CYP4F3: variants seen among roughly 807,000 people sequenced by gnomAD.
The protein encoded by CYP4F3 is cytochrome P450 family 4 subfamily F member 3.
Under a neutral mutation model 54.8 loss-of-function variants are expected in CYP4F3, and 50 were observed. The observed-to-expected ratio is 0.91, with a 90% confidence interval of 0.73 to 1.16. The LOEUF (loss-of-function observed/expected upper bound fraction) is 1.16. CYP4F3 is among the 50% of genes most tolerant of loss of function. CYP4F3 has a pLI of 0.00. For synonymous variants in CYP4F3, 244 were observed against 262.6 expected, an observed-to-expected ratio of 0.93 and a Z score of 0.69; for missense variants, 715 against 676.2, an observed-to-expected ratio of 1.06 and a Z score of -0.64.
At position 15,659,661 on chromosome 19, in the gene CYP4F3, A is replaced by T; in HGVS notation, c.*276A>T. ...TGGTCCATCCATACAATGGAGTATTACACAGCCATAAAAAGGAATGAAGCA... is the reference window on the plus strand; with the variant it reads ...TGGTCCATCCATACAATGGAGTATTTCACAGCCATAAAAAGGAATGAAGCA... On this transcript the variant is annotated 3_prime_UTR_variant, in exon 13 of 13. Transcript: ENST00000221307. The T allele has an allele frequency of 2.0e-6, 1 of 489,880 alleles. No individual in the cohort carries two copies. The highest frequency in any genetic ancestry group is 2.9e-5 in the South Asian group (1 of 34,096). The allele number at this position is 489,880 out of a possible 1,614,324, so 30.3% of individuals were successfully genotyped here. A position where few individuals can be genotyped will look rare whatever the true frequency, so the allele number is the denominator to read the frequency against.
chr19:15,658,890 T>C (rs1322510788), intron 12 of CYP4F3, 81 bp downstream of exon 12: 27 of 1,524,864 alleles, frequency 1.8e-5, no homozygotes, highest in Non-Finnish European at 2.1e-5. Context: ...AAGGGGGACA[T>C]TGTAGACGGT....
chr19:15,652,699 G>C (rs1972892838), intron 8 of CYP4F3, 64 bp downstream of exon 8: 13 of 1,612,660 alleles, frequency 8.1e-6, no homozygotes, highest in Non-Finnish European at 1.1e-5. Context: ...AACAGGGTGG[G>C]TGGACCCCTC....
In CYP4F3 at chr19:15,660,396, G is replaced by C. The variant is rs1283867235; in HGVS notation, c.*1011G>C. ...GTGGTTAGACACTTTTCTAGAACAG[G>C]CATGCCCTGCAAACTCCACAGACAC... On this transcript the variant is annotated 3_prime_UTR_variant, in exon 13 of 13. Transcript: ENST00000221307. 1 of 152,082 alleles carries C rather than the reference G, an allele frequency of 6.6e-6. No individual in the cohort carries two copies. Among genetic ancestry groups the C allele is most frequent in the Non-Finnish European group, 1.5e-5 (1 of 68,008 alleles). 9.4% of individuals were successfully genotyped at this position (152,082 alleles called of 1,614,324 possible).
At position 15,659,943 on chromosome 19, in the gene CYP4F3, A is replaced by G. The variant is rs1447320498; in HGVS notation, c.*558A>G. Reference sequence around the variant, plus strand: ...CCTAGATAGTGATGAAGGTAGCACGACACTGTGAGTGCACTAAATGCTATT... The same window carrying G: ...CCTAGATAGTGATGAAGGTAGCACGGCACTGTGAGTGCACTAAATGCTATT... On this transcript the variant is annotated 3_prime_UTR_variant, in exon 13 of 13. Transcript: ENST00000221307. 6.6e-6 allele frequency: 1 copy of G among 152,576 alleles called. No homozygotes were observed. Among genetic ancestry groups the G allele is most frequent in the African/African-American group, 2.4e-5 (1 of 41,462 alleles). The allele number at this position is 152,576 out of a possible 1,614,324, so 9.5% of individuals were successfully genotyped here.
At position 15,652,838 on chromosome 19, in the gene CYP4F3, C is replaced by T. The variant is rs1972898217; in HGVS notation, c.1001C>T (p.Ala334Val). 1 of 1,612,670 alleles carries T rather than the reference C, an allele frequency of 6.2e-7. No individual in the cohort carries two copies. The highest frequency in any genetic ancestry group is 1.3e-5 in the African/African-American group (1 of 74,994). Residue 334 changes from alanine to valine, a missense_variant, in exon 9 of 13, where the codon GCC becomes GTC. Physicochemically the swap from Ala to Val is moderately conservative, Grantham distance 64. Transcript: ENST00000221307. ...TGCCCCCCAGGCCATGACACCACAG[C>T]CAGTGGTCTCTCCTGGGTCCTGTAC... ...TFMFEGHDTT[A>V]SGLSWVLYHL...
Position 15,652,808 on chromosome 19 carries a change from C to G in CYP4F3, c.986-15C>G. 1 of 1,607,784 alleles carries G rather than the reference C, an allele frequency of 6.2e-7. No individual in the cohort carries two copies. The highest frequency in any genetic ancestry group is 8.5e-7 in the Non-Finnish European group (1 of 1,176,806). On this transcript the variant is annotated splice_polypyrimidine_tract_variant and intron_variant, in intron 8 of 12. Transcript: ENST00000221307. ...AAGCAGCCCAGAGACCCAAGCCTGCCTTGCTGCCCCCCAGGCCATGACACC... is the reference window on the plus strand; with the variant it reads ...AAGCAGCCCAGAGACCCAAGCCTGCGTTGCTGCCCCCCAGGCCATGACACC...
At chr19:15,650,637 C>A in intron 7 of CYP4F3, among the ~76,000 whole-genome samples, 1 of 135,664 alleles carries the variant, frequency 7.4e-6, no homozygotes, top group Non-Finnish European at 1.6e-5. Flanking sequence ...TGCCTTTGTG[C>A]TCTCCCTCCC....
rs1972738274 is a variant in CYP4F3 at position 15,649,939 on chromosome 19, T to C, written c.674T>C (p.Ile225Thr). The change falls in exon 7 of 13, where the codon ATC becomes ACC. Residue 225 changes from isoleucine to threonine, a missense_variant. Transcript: ENST00000221307. ...AAGCCCAGTGAATATATTGCCGCCA[T>C]CTTGGAGCTCAGTGCCCTTGTGACA... ...QEKPSEYIAA[I>T]LELSALVTKR... The C allele has an allele frequency of 6.2e-7, 1 of 1,613,824 alleles. No individual in the cohort carries two copies. The highest frequency in any genetic ancestry group is 8.5e-7 in the Non-Finnish European group (1 of 1,179,944).
chr19:15,648,124 A>C (rs1972685817), intron 5 of CYP4F3, among the ~76,000 whole-genome samples: 1 of 151,994 alleles, frequency 6.6e-6, no homozygotes, highest in Non-Finnish European at 1.5e-5. Context: ...GGTTTTGTGA[A>C]GTGTTTAGAA....
intron 3 of CYP4F3, among the ~76,000 whole-genome samples, chr19:15,646,239 G>A (rs1445125364): frequency 6.6e-6 from 1 of 152,190 alleles, no homozygotes; most frequent in Non-Finnish European, 1.5e-5. Context: ...TGTGGCCAAG[G>A]ACATTTGGGG....
chr19:15,654,998 G>A (rs1915379), intron 9 of CYP4F3, among the ~76,000 whole-genome samples: 31,630 of 152,064 alleles, frequency 0.21, 3,593 homozygotes, highest in Middle Eastern at 0.27. Flanking sequence ...AACAGTGTGT[G>A]TGAGTTCCCC....
rs200588031 is a variant in CYP4F3 at position 15,660,719 on chromosome 19, A to ATTTTT, written c.*1345_*1349dup. ...GACAAGACTTTGACAGGGGTGCCTA[A>ATTTTT]TTTTTTTTTTTTTTTGAGATGGAGT... is the stretch of plus-strand genomic sequence containing the variant. On this transcript the variant is annotated 3_prime_UTR_variant, in exon 13 of 13. Transcript: ENST00000221307. 4 of 143,404 alleles carry ATTTTT rather than the reference A, an allele frequency of 2.8e-5. No homozygotes were observed. Among genetic ancestry groups the ATTTTT allele is most frequent in the Admixed American group, 1.4e-4 (2 of 14,288 alleles). 8.9% of individuals were successfully genotyped at this position (143,404 alleles called of 1,614,324 possible). A position where few individuals can be genotyped will look rare whatever the true frequency, so the allele number is the denominator to read the frequency against.
In CYP4F3 at chr19:15,650,678, T is replaced by TTCTC. The variant is rs1270947323; in HGVS notation, c.918+498_918+499insCTCT. 5.2e-4 allele frequency among the ~76,000 whole-genome samples: 31 copies of TTCTC among 59,124 alleles called. 1 individual carries two copies. Among genetic ancestry groups the TTCTC allele is most frequent in the Admixed American group, 3.9e-3 (21 of 5,318 alleles). The allele number at this position is 59,124 out of a possible 152,430, so 38.8% of individuals were successfully genotyped here. A position where few individuals can be genotyped will look rare whatever the true frequency, so the allele number is the denominator to read the frequency against. On this transcript the variant is annotated intron_variant, in intron 7 of 12. Coordinates refer to ENST00000221307, the MANE Select transcript of CYP4F3 (RefSeq NM_000896.3). The stretch of plus-strand genomic sequence containing the variant: ...GCCTTCTTTTTCTTTCTTTCTTTCT[T>TTCTC]TCTTTCTTTCTTTCTTTCTTTCTTT...
intron 5 of CYP4F3, among the ~76,000 whole-genome samples, chr19:15,647,771 G>T (rs1048274660): frequency 1.3e-5 from 2 of 152,186 alleles, no homozygotes; most frequent in African/African-American, 4.8e-5. Context: ...CAGCCTTGCT[G>T]GTGTTGGCTG....
chr19:15,658,648 C>A (rs1973099925), intron 11 of CYP4F3, 79 bp from the exon 12 acceptor site: 5 of 1,608,256 alleles, frequency 3.1e-6, no homozygotes, highest in South Asian at 1.1e-5. Context: ...CACCTCCCTC[C>A]AAGACACACA....
Position 15,661,902 on chromosome 19 carries a change from T to C in CYP4F3, c.*2517T>C, listed in dbSNP as rs1180118618. ...TTCCATAATCTCCATTTAGTTAAATTTTGTATGGGGTGTGAACTGTGGTTT... is the reference window on the plus strand; with the variant it reads ...TTCCATAATCTCCATTTAGTTAAATCTTGTATGGGGTGTGAACTGTGGTTT... On this transcript the variant is annotated 3_prime_UTR_variant, in exon 13 of 13. Coordinates refer to ENST00000221307, the MANE Select transcript of CYP4F3 (RefSeq NM_000896.3). 1 of 152,152 alleles carries C rather than the reference T, an allele frequency of 6.6e-6. No individual in the cohort carries two copies. 9.4% of individuals were successfully genotyped at this position (152,152 alleles called of 1,614,324 possible). A position where few individuals can be genotyped will look rare whatever the true frequency, so the allele number is the denominator to read the frequency against.
chr19:15,644,052 G>A lies in CYP4F3; in HGVS notation c.199-1667G>A, dbSNP rs551652856. On this transcript the variant is annotated intron_variant, in intron 2 of 12. Coordinates refer to ENST00000221307, the MANE Select transcript of CYP4F3 (RefSeq NM_000896.3). ...ATCCGGTCTGTCATCAACGCCTCAGGTACCACCTGGAATACTTGGTGGTGG... is the reference window on the plus strand; with the variant it reads ...ATCCGGTCTGTCATCAACGCCTCAGATACCACCTGGAATACTTGGTGGTGG... 156 of 1,576,912 alleles carry A rather than the reference G, an allele frequency of 9.9e-5. No individual in the cohort carries two copies. The African/African-American group carries it at 1.9e-3, about 20-fold the overall frequency.
At chr19:15,649,061 A>G in intron 5 of CYP4F3, 99 bp from the exon 6 acceptor site, 1 of 1,540,176 alleles carries the variant, frequency 6.5e-7, no homozygotes, top group Non-Finnish European at 8.8e-7. Flanking sequence ...GGAGAAGATG[A>G]AGAGGCTTAT....
Position 15,644,047 on chromosome 19 carries a change from C to T in CYP4F3, c.199-1672C>T, listed in dbSNP as rs749209372. 5.7e-6 allele frequency: 9 copies of T among 1,582,534 alleles called. No homozygotes were observed. In the South Asian group the frequency reaches 5.8e-5, roughly 10 times the overall value. On this transcript the variant is annotated intron_variant, in intron 2 of 12. Coordinates refer to ENST00000221307, the MANE Select transcript of CYP4F3 (RefSeq NM_000896.3). ...ACATCATCCGGTCTGTCATCAACGC[C>T]TCAGGTACCACCTGGAATACTTGGT... is the stretch of plus-strand genomic sequence containing the variant.
Sources: gnomAD v4.1 joint callset for allele counts (sites outside exome capture counted in the v4.1 genomes callset) on GRCh38, gnomAD v4.1.1 for gene constraint, MANE v1.5 for transcripts, NCBI Gene and HGNC (gene_info 2026-07-23, HGNC 2026-07-21) for gene names.